The following ZBTB8A variants were observed in gnomAD, a reference collection of about 807,000 sequenced individuals.
ZBTB8A encodes zinc finger and BTB domain containing 8A, also known as zinc finger and BTB domain-containing protein 8A.
A neutral mutation model predicts 37.8 loss-of-function variants in ZBTB8A; 19 were observed. The ratio of observed to expected loss-of-function variants is 0.50; its 90% confidence interval spans 0.35 to 0.74. ZBTB8A has a LOEUF of 0.74. Among genes scored for constraint, ZBTB8A ranks in the 30% least tolerant of loss-of-function variants. The pLI is 0.01. For missense variants in ZBTB8A, 394 were observed against 537.8 expected, an observed-to-expected ratio of 0.73 and a Z score of 2.65; for synonymous variants, 181 against 185.2, an observed-to-expected ratio of 0.98 and a Z score of 0.19.
At chr1:32,573,237 ATTTTTTT>A (rs35060623) in intron 2 of ZBTB8A, among the ~76,000 whole-genome samples, 2 of 128,504 alleles carry the variant, frequency 1.6e-5, no homozygotes, top group African/African-American at 5.7e-5. Flanking sequence ...CACCCGGCTA[ATTTTTTT>A]TTTTTTTTTT....
chr1:32,556,393 G>T (rs757650385), intron 2 of ZBTB8A, among the ~76,000 whole-genome samples: 50 of 149,776 alleles, frequency 3.3e-4, no homozygotes, highest in Non-Finnish European at 5.2e-4. Flanking sequence ...TTAGAGACAG[G>T]GTCTTGCTCT....
rs1266847314 is a variant in ZBTB8A, at chr1:32,601,359, AG to A, written c.*941del. ...CATGGTGGCGGGTGCCTATAATCCC[AG>A]CTACTCGGGAGGCTGAGGCAGGAGA... On this transcript the variant is annotated 3_prime_UTR_variant, in exon 5 of 5. Transcript: ENST00000373510. 1 of 267,512 alleles carries A rather than the reference AG, an allele frequency of 3.7e-6. No individual in the cohort carries two copies. Among genetic ancestry groups the A allele is most frequent in the African/African-American group, 2.2e-5 (1 of 45,348 alleles). The allele number at this position is 267,512 out of a possible 1,614,324, so 16.6% of individuals were successfully genotyped here.
chr1:32,590,399 A>G lies in ZBTB8A; in HGVS notation c.-1-2532A>G, dbSNP rs371797752. ...AAACTTTTTTACCTTCTCCTTGGAC[A>G]TACGGTCAGAATTTTTAGTCCCTTT... On this transcript the variant is annotated intron_variant, in intron 2 of 4. Transcript: ENST00000373510. Among the ~76,000 whole-genome samples, 4 of 152,142 alleles carry G rather than the reference A, an allele frequency of 2.6e-5. No individual in the cohort carries two copies. The East Asian group carries it at 7.7e-4, about 29-fold the overall frequency.
intron 1 of ZBTB8A, among the ~76,000 whole-genome samples, chr1:32,548,879 G>A (rs1644127894): frequency 6.6e-6 from 1 of 152,054 alleles, no homozygotes; most frequent in Non-Finnish European, 1.5e-5. Context: ...ATTAGTCCAT[G>A]CTCTCATTGA....
chr1:32,584,478 C>T (rs542727343), intron 2 of ZBTB8A, among the ~76,000 whole-genome samples: 5 of 150,220 alleles, frequency 3.3e-5, no homozygotes, highest in South Asian at 2.1e-4. Context: ...CTATACTAAA[C>T]GTCATCATTC....
At position 32,590,453 on chromosome 1, in the gene ZBTB8A, C is replaced by G. The variant is rs185262848; in HGVS notation, c.-1-2478C>G. 3.6e-3 allele frequency among the ~76,000 whole-genome samples: 551 copies of G among 152,232 alleles called. 8 individuals carry two copies. The highest frequency in any genetic ancestry group is 0.013 in the African/African-American group (525 of 41,508). The stretch of plus-strand genomic sequence containing the variant: ...CTAAGGTTGTGGTCCTCAGAGGTTT[C>G]TAACTTCCCAGCTGTCAGTTCTAAT... On this transcript the variant is annotated intron_variant, in intron 2 of 4. Coordinates refer to ENST00000373510, the MANE Select transcript of ZBTB8A (RefSeq NM_001040441.3).
At chr1:32,542,121 C>T (rs1644060915) in intron 1 of ZBTB8A, among the ~76,000 whole-genome samples, 1 of 152,210 alleles carries the variant, frequency 6.6e-6, no homozygotes, top group African/African-American at 2.4e-5. Context: ...ATTTATCCAT[C>T]AAGGAATACA....
At chr1:32,541,934 A>C (rs1468232919) in intron 1 of ZBTB8A, among the ~76,000 whole-genome samples, 1 of 152,212 alleles carries the variant, frequency 6.6e-6, no homozygotes, top group Non-Finnish European at 1.5e-5. Flanking sequence ...ACAGACGATC[A>C]CTGACTTACA....
chr1:32,582,126 G>A (rs911556120), intron 2 of ZBTB8A, among the ~76,000 whole-genome samples: 14 of 152,104 alleles, frequency 9.2e-5, no homozygotes, highest in African/African-American at 2.9e-4. Flanking sequence ...GAGAGGATAT[G>A]CTAGTACAGG....
chr1:32,584,520 T>TGAGATAGAGTCTATCACTG (rs1644431986), intron 2 of ZBTB8A, among the ~76,000 whole-genome samples: 1 of 147,432 alleles, frequency 6.8e-6, no homozygotes, highest in African/African-American at 2.5e-5. Flanking sequence ...TTTTTTTTTT[T>TGAGATAGAGTCTATCACTG]TTTTTTTTTG....
At chr1:32,580,827 T>C (rs1206712817) in intron 2 of ZBTB8A, among the ~76,000 whole-genome samples, 1 of 151,704 alleles carries the variant, frequency 6.6e-6, no homozygotes, top group African/African-American at 2.4e-5. Context: ...GCAAGGATCA[T>C]CGGATGGTGG....
At position 32,584,043 on chromosome 1, in the gene ZBTB8A, C is replaced by A. The variant is rs183232018; in HGVS notation, c.-1-8888C>A. On this transcript the variant is annotated intron_variant, in intron 2 of 4. Transcript: ENST00000373510. ...AAAGTGCTGGGATTACAGGTGTAAG[C>A]CACCACACCTGACCAAGGAGGAGAG... Among the ~76,000 whole-genome samples, 1,210 of 152,140 alleles carry A rather than the reference C, an allele frequency of 8.0e-3. 10 individuals are homozygous for A. Among genetic ancestry groups the A allele is most frequent in the Non-Finnish European group, 0.014 (932 of 67,994 alleles).
rs982364557 is a variant in ZBTB8A at position 32,580,004 on chromosome 1, A to G, written c.-1-12927A>G. ...TAATTCATTGGCTAGTACTTCCAGGACAATGTTAAATAATAGTATTGATAT... is the reference window on the plus strand; with the variant it reads ...TAATTCATTGGCTAGTACTTCCAGGGCAATGTTAAATAATAGTATTGATAT... On this transcript the variant is annotated intron_variant, in intron 2 of 4. Transcript: ENST00000373510. Among the ~76,000 whole-genome samples, 28 of 152,288 alleles carry G rather than the reference A, an allele frequency of 1.8e-4. 1 individual carries two copies. Among genetic ancestry groups the G allele is most frequent in the Admixed American group, 1.4e-3 (22 of 15,280 alleles).
intron 2 of ZBTB8A, among the ~76,000 whole-genome samples, chr1:32,559,596 C>G (rs1644228369): frequency 6.6e-6 from 1 of 151,970 alleles, no homozygotes; most frequent in Non-Finnish European, 1.5e-5. Context: ...TCCTGAGTAC[C>G]TGGGACTACA....
intron 1 of ZBTB8A, among the ~76,000 whole-genome samples, chr1:32,542,325 CCTCGGGG>C (rs2148209006): frequency 7.1e-6 from 1 of 140,664 alleles, no homozygotes; most frequent in African/African-American, 2.6e-5. Flanking sequence ...GAGGCCAAGG[CCTCGGGG>C]GTCGGGGGGG....
intron 4 of ZBTB8A, among the ~76,000 whole-genome samples, chr1:32,597,908 ATTT>A (rs764920094): frequency 7.3e-6 from 1 of 137,128 alleles, no homozygotes; most frequent in Non-Finnish European, 1.6e-5. Context: ...TATCCGGCTA[ATTT>A]TTTTTTTTTT....
In ZBTB8A at chr1:32,593,453, A is replaced by G. The variant is rs763891267; in HGVS notation, c.522A>G (p.Ile174Met). The change falls in exon 3 of 5, where the codon ATA becomes ATG. Residue 174 changes from isoleucine (I) to methionine (M), a missense_variant. Coordinates refer to ENST00000373510, the MANE Select transcript of ZBTB8A (RefSeq NM_001040441.3). Reference protein sequence around the residue: ...SHLSPEQGTGIISGKSWNKYN... With the variant: ...SHLSPEQGTGMISGKSWNKYN... ...TAAGCCCAGAGCAAGGAACAGGTAT[A>G]ATAAGTGGAAAATCTTGGAATAAGT... is the stretch of plus-strand genomic sequence containing the variant. The G allele has an allele frequency of 1.9e-5, 31 of 1,613,844 alleles. No individual in the cohort carries two copies. Among genetic ancestry groups the G allele is most frequent in the Non-Finnish European group, 2.5e-5 (29 of 1,180,044 alleles).
chr1:32,572,969 T>A (rs1225564664), intron 2 of ZBTB8A, among the ~76,000 whole-genome samples: 1 of 151,906 alleles, frequency 6.6e-6, no homozygotes, highest in Non-Finnish European at 1.5e-5. Context: ...TTGGTTTCAT[T>A]GATTTTTCTC....
chr1:32,539,926 G>A (rs1046810102), intron 1 of ZBTB8A, among the ~76,000 whole-genome samples: 2 of 150,710 alleles, frequency 1.3e-5, no homozygotes, highest in Non-Finnish European at 3.0e-5. Context: ...GGAGGGGCTC[G>A]GGCTGCGCGG....
Sources: gnomAD v4.1 joint callset for allele counts (sites outside exome capture counted in the v4.1 genomes callset) on GRCh38, gnomAD v4.1.1 for gene constraint, MANE v1.5 for transcripts, NCBI Gene and HGNC (gene_info 2026-07-23, HGNC 2026-07-21) for gene names.